Variants in CPA6 observed in about 807,000 individuals in gnomAD.
The protein encoded by CPA6 is carboxypeptidase B.
CPA6 carries 58 observed loss-of-function variants against 63.3 expected under a neutral mutation model. The observed-to-expected ratio is 0.92, with a 90% CI of 0.74 to 1.14. The LOEUF is 1.14. Ranked by LOEUF, CPA6 falls within the 50% of genes most tolerant of loss-of-function variation. The probability of loss-of-function intolerance (pLI) is 0.00; values close to 1 mark genes in which losing one functional copy is unlikely to be tolerated. For synonymous variants in CPA6, 185 were observed against 179.0 expected, an observed-to-expected ratio of 1.03 and a Z score of -0.27; for missense variants, 565 against 526.6, an observed-to-expected ratio of 1.07 and a Z score of -0.71.
rs1563956727 is a variant in CPA6 at position 67,447,546 on chromosome 8, CATACACA to C, written c.839-13313_839-13307del. ...ACACACACACACACACACACACACA[CATACACA>C]TTTTAAATAGGTGATAAATTCACAT... On this transcript the variant is annotated intron_variant, in intron 8 of 10. Transcript: ENST00000297770. Among the ~76,000 whole-genome samples, 276 of 138,732 alleles carry C rather than the reference CATACACA, an allele frequency of 2.0e-3. 1 individual carries two copies. Among genetic ancestry groups the C allele is most frequent in the African/African-American group, 7.1e-3 (229 of 32,050 alleles). The allele number at this position is 138,732 out of a possible 152,430, so 91.0% of individuals were successfully genotyped here.
chr8:67,501,062 C>T (rs1171759028), intron 6 of CPA6, among the ~76,000 whole-genome samples: 2 of 152,072 alleles, frequency 1.3e-5, no homozygotes, highest in Admixed American at 6.6e-5. Flanking sequence ...CTTTGCCATT[C>T]CATATACTTT....
chr8:67,531,873 T>C (rs1167693570), intron 2 of CPA6, among the ~76,000 whole-genome samples: 2 of 152,136 alleles, frequency 1.3e-5, no homozygotes, highest in African/African-American at 2.4e-5. Flanking sequence ...CTGATTACAA[T>C]GTAATTAAAT....
At chr8:67,425,619 C>G (rs914231321) in intron 10 of CPA6, among the ~76,000 whole-genome samples, 1 of 152,204 alleles carries the variant, frequency 6.6e-6, no homozygotes, top group Admixed American at 6.5e-5. Flanking sequence ...GGTGATCCAC[C>G]CACCTCGGCC....
At chr8:67,449,845 T>C in intron 8 of CPA6, among the ~76,000 whole-genome samples, 1 of 132,574 alleles carries the variant, frequency 7.5e-6, no homozygotes, top group Admixed American at 8.3e-5. Context: ...AGAGTCTTGC[T>C]CTATCCCCCA....
At position 67,566,258 on chromosome 8, in the gene CPA6, G is replaced by A. The variant is rs189870353; in HGVS notation, c.193-48211C>T. 8.3e-4 allele frequency among the ~76,000 whole-genome samples: 126 copies of A among 152,310 alleles called. 1 individual carries two copies. The highest frequency in any genetic ancestry group is 2.4e-3 in the Admixed American group (37 of 15,294). On this transcript the variant is annotated intron_variant, in intron 2 of 10. Transcript: ENST00000297770. ...GTTTGGATATAACACTATTGGTCCT[G>A]ACTCATTGCTGCCCTGTTCTGACCT...
intron 1 of CPA6, among the ~76,000 whole-genome samples, chr8:67,631,078 A>T (rs1815317025): frequency 6.6e-6 from 1 of 152,180 alleles, no homozygotes; most frequent in Non-Finnish European, 1.5e-5. Flanking sequence ...GGTCCCATCG[A>T]CCACCCAAGG....
intron 1 of CPA6, among the ~76,000 whole-genome samples, chr8:67,730,178 G>C (rs1381839517): frequency 6.6e-6 from 1 of 152,310 alleles, no homozygotes; most frequent in East Asian, 1.9e-4. Flanking sequence ...CTCAAGTTCA[G>C]GTGTCTGGAA....
At chr8:67,533,891 A>G (rs1043686791) in intron 2 of CPA6, among the ~76,000 whole-genome samples, 1 of 152,216 alleles carries the variant, frequency 6.6e-6, no homozygotes, top group Non-Finnish European at 1.5e-5. Context: ...AAAGAAGTTT[A>G]TCAGTCTTTT....
chr8:67,479,535 T>G (rs1486208400), intron 8 of CPA6, among the ~76,000 whole-genome samples: 1 of 151,928 alleles, frequency 6.6e-6, no homozygotes, highest in Admixed American at 6.6e-5. Context: ...AAAGGGAGAG[T>G]TTTCCCTTGG....
At chr8:67,547,902 T>C (rs745891400) in intron 2 of CPA6, among the ~76,000 whole-genome samples, 3 of 152,170 alleles carry the variant, frequency 2.0e-5, no homozygotes, top group Non-Finnish European at 4.4e-5. Flanking sequence ...TAATAATACA[T>C]AGTCCTTCTA....
intron 6 of CPA6, among the ~76,000 whole-genome samples, chr8:67,500,791 AT>A (rs1811816537): frequency 6.6e-6 from 1 of 151,556 alleles, no homozygotes; most frequent in Non-Finnish European, 1.5e-5. Flanking sequence ...TGAATATCCA[AT>A]TGCTCCAGCA....
intron 8 of CPA6, among the ~76,000 whole-genome samples, chr8:67,449,428 GC>G (rs1478686985): frequency 2.6e-5 from 4 of 152,098 alleles, no homozygotes; most frequent in African/African-American, 7.2e-5. Flanking sequence ...AGTTTTATCA[GC>G]TTTTTTGTCT....
At chr8:67,552,509 C>T (rs188958447) in intron 2 of CPA6, among the ~76,000 whole-genome samples, 2 of 152,200 alleles carry the variant, frequency 1.3e-5, no homozygotes, top group East Asian at 3.9e-4. Context: ...CACGGTGGCT[C>T]ATGCCTGTAA....
chr8:67,522,441 C>T (rs888108396), intron 2 of CPA6, among the ~76,000 whole-genome samples: 2 of 152,192 alleles, frequency 1.3e-5, no homozygotes, highest in Non-Finnish European at 2.9e-5. Context: ...GTAACACATG[C>T]TCCTGCTCAC....
chr8:67,446,118 T>C (rs113154762), intron 8 of CPA6, among the ~76,000 whole-genome samples: 25,451 of 151,512 alleles, frequency 0.17, 2,196 homozygotes, highest in East Asian at 0.24. Flanking sequence ...TACAAAAAAT[T>C]AGCCGGGCGT....
intron 1 of CPA6, among the ~76,000 whole-genome samples, chr8:67,683,824 T>G (rs1003950202): frequency 1.3e-5 from 2 of 151,490 alleles, no homozygotes; most frequent in Non-Finnish European, 2.9e-5. Flanking sequence ...CTTCTTTCTA[T>G]TCTTCATATT....
intron 1 of CPA6, among the ~76,000 whole-genome samples, chr8:67,682,284 T>C (rs1285360947): frequency 6.6e-6 from 1 of 152,244 alleles, no homozygotes; most frequent in Non-Finnish European, 1.5e-5. Flanking sequence ...TTCTTCAAGT[T>C]CACTAGTCTT....
At chr8:67,514,588 C>T (rs1460839384) in intron 3 of CPA6, among the ~76,000 whole-genome samples, 1 of 152,124 alleles carries the variant, frequency 6.6e-6, no homozygotes, top group Non-Finnish European at 1.5e-5. Flanking sequence ...TGACTGTTCT[C>T]CAGTGAAGAG....
intron 1 of CPA6, among the ~76,000 whole-genome samples, chr8:67,629,105 C>T (rs1055796652): frequency 2.6e-5 from 4 of 151,880 alleles, no homozygotes; most frequent in African/African-American, 7.3e-5. Flanking sequence ...CAGAGTGAGA[C>T]TCCATCTCGA....
Sources: gnomAD v4.1 joint callset for allele counts (sites outside exome capture counted in the v4.1 genomes callset) on GRCh38, gnomAD v4.1.1 for gene constraint, MANE v1.5 for transcripts, NCBI Gene and HGNC (gene_info 2026-07-23, HGNC 2026-07-21) for gene names.